The following ASB18 variants were observed in gnomAD, a reference collection of about 807,000 sequenced individuals.
ASB18 encodes ankyrin repeat and SOCS box containing 18, also known as ankyrin repeat and SOCS box protein 18.
In ASB18, 33 loss-of-function variants were observed where a neutral mutation model predicts 33.4. The ratio of observed to expected loss-of-function variants is 0.99; its 90% CI spans 0.75 to 1.32. ASB18 has a LOEUF of 1.32. Ranked by LOEUF, ASB18 falls within the 40% of genes most tolerant of loss-of-function variation. ASB18 has a pLI of 0.00. For synonymous variants in ASB18, 295 were observed against 307.6 expected (o/e 0.96, Z 0.43); for missense variants, 694 against 655.5 (o/e 1.06, Z -0.64).
Position 236,208,932 on chromosome 2 carries a change from G to GA in ASB18, c.1101+5429dup, listed in dbSNP as rs1041973372. On this transcript the variant is annotated intron_variant, in intron 4 of 5. Transcript: ENST00000409749. The surrounding 1 kb of genome is among the most constrained non-coding windows in gnomAD (Gnocchi z 7.7). ...GAGGCGGCAGAAAGAAAATTAAGGG[G>GA]AAAAATCACACAGGCACATTGCTTT... Among the ~76,000 whole-genome samples, 9 of 151,888 alleles carry GA rather than the reference G, an allele frequency of 5.9e-5. No homozygotes were observed. In the South Asian group the frequency reaches 6.3e-4, roughly 11 times the overall value.
rs915281241 is a variant in ASB18, at chr2:236,260,659, C to T, written c.205+3482G>A. 5.9e-5 allele frequency among the ~76,000 whole-genome samples: 9 copies of T among 152,182 alleles called. No individual in the cohort carries two copies. Among genetic ancestry groups the T allele is most frequent in the East Asian group, 5.8e-4 (3 of 5,198 alleles). On this transcript the variant is annotated intron_variant, in intron 1 of 5. Coordinates refer to ENST00000409749, the MANE Select transcript of ASB18 (RefSeq NM_212556.4). This position sits in a 1 kb window ranked among gnomAD's most constrained non-coding sequence, Gnocchi z 5.1. ...AGCATGGAGAAGGAGGGAACCTAAACGATGAACCAAGCCAGCAGTGGTTCC... is the reference window on the plus strand; with the variant it reads ...AGCATGGAGAAGGAGGGAACCTAAATGATGAACCAAGCCAGCAGTGGTTCC...
rs1311791031 is a variant in ASB18, at chr2:236,208,397, G to A, written c.1101+5965C>T. Among the ~76,000 whole-genome samples, 4 of 152,184 alleles carry A rather than the reference G, an allele frequency of 2.6e-5. No homozygotes were observed. Among genetic ancestry groups the A allele is most frequent in the African/African-American group, 9.7e-5 (4 of 41,440 alleles). ...GGGAAAAAAATCACGCCATTAAGAA[G>A]GACTCACGCTGGACCCCTCGGGATG... On this transcript the variant is annotated intron_variant, in intron 4 of 5. Transcript: ENST00000409749. The surrounding 1 kb of genome is among the most constrained non-coding windows in gnomAD (Gnocchi z 7.7).
Position 236,219,653 on chromosome 2 carries a change from G to A in ASB18, c.597-4787C>T, listed in dbSNP as rs2060502085. ...AATGGCCCAGTGGGGAAAGCTTACT[G>A]TTTGTCATTTCATTGCCTTCTCTGT... On this transcript the variant is annotated intron_variant, in intron 3 of 5. Coordinates refer to ENST00000409749, the MANE Select transcript of ASB18 (RefSeq NM_212556.4). This position sits in a 1 kb window ranked among gnomAD's most constrained non-coding sequence, Gnocchi z 6.4. Among the ~76,000 whole-genome samples the A allele has an allele frequency of 6.6e-6, 1 of 152,144 alleles. No individual in the cohort carries two copies. The highest frequency in any genetic ancestry group is 1.5e-5 in the Non-Finnish European group (1 of 68,036).
rs1369716574 is a variant in ASB18, at chr2:236,237,322, G to C, written c.596+367C>G. ...CTCCCGCGCGCGCTCGCAATCAAGC[G>C]CTAATTAAACCCGCGGGGGCCGGGG... On this transcript the variant is annotated intron_variant, in intron 3 of 5. Coordinates refer to ENST00000409749, the MANE Select transcript of ASB18 (RefSeq NM_212556.4). This position sits in a 1 kb window ranked among gnomAD's most constrained non-coding sequence, Gnocchi z 6.2. 6.7e-6 allele frequency among the ~76,000 whole-genome samples: 1 copy of C among 149,634 alleles called. No homozygotes were observed. Among genetic ancestry groups the C allele is most frequent in the African/African-American group, 2.4e-5 (1 of 41,210 alleles).
At chr2:236,246,655 T>C (rs757366392) in intron 1 of ASB18, among the ~76,000 whole-genome samples, 4 of 152,138 alleles carry the variant, frequency 2.6e-5, no homozygotes, top group Admixed American at 6.5e-5. Flanking sequence ...AAATGACCAA[T>C]AGTAACACAG....
chr2:236,214,483 G>A lies in ASB18; in HGVS notation c.980C>T (p.Ala327Val), dbSNP rs996204691. 2.0e-6 allele frequency: 3 copies of A among 1,499,002 alleles called. No homozygotes were observed. In the Admixed American group the frequency reaches 6.3e-5, roughly 31 times the overall value. 92.9% of individuals were successfully genotyped at this position (1,499,002 alleles called of 1,614,324 possible). ...CTGGAGCACGCGGCCCAGCGGCGAG[G>A]CCCCGCCATAGTCGAGCGCGCCCGC... is the stretch of plus-strand genomic sequence containing the variant. Reference protein sequence around the residue: ...ADAGALDYGGASPLGRVLQTA... With the variant: ...ADAGALDYGGVSPLGRVLQTA... Residue 327 changes from alanine (A) to valine (V), a missense_variant, in exon 4 of 6, where the codon GCC (alanine) becomes GTC (valine). By Grantham distance (64) the Ala-to-Val change is moderately conservative. Coordinates refer to ENST00000409749, the MANE Select transcript of ASB18 (RefSeq NM_212556.4). This position sits in a 1 kb window ranked among gnomAD's most constrained non-coding sequence, Gnocchi z 6.5.
rs1029330231 is a variant in ASB18, at chr2:236,219,403, C to T, written c.597-4537G>A. 1.3e-5 allele frequency among the ~76,000 whole-genome samples: 2 copies of T among 152,182 alleles called. No homozygotes were observed. The highest frequency in any genetic ancestry group is 2.9e-5 in the Non-Finnish European group (2 of 68,026). On this transcript the variant is annotated intron_variant, in intron 3 of 5. Coordinates refer to ENST00000409749, the MANE Select transcript of ASB18 (RefSeq NM_212556.4). This position sits in a 1 kb window ranked among gnomAD's most constrained non-coding sequence, Gnocchi z 6.4. ...ATATCCCTTTGGCTTTCCAGGTTCC[C>T]AGAATACGCTTGAAATTTCCATCAA... is the stretch of plus-strand genomic sequence containing the variant.
rs1042393702 is a variant in ASB18, at chr2:236,239,347, A to C, written c.329-1391T>G. 6.7e-6 allele frequency among the ~76,000 whole-genome samples: 1 copy of C among 149,608 alleles called. No individual in the cohort carries two copies. Among genetic ancestry groups the C allele is most frequent in the Non-Finnish European group, 1.5e-5 (1 of 67,394 alleles). On this transcript the variant is annotated intron_variant, in intron 2 of 5. Coordinates refer to ENST00000409749, the MANE Select transcript of ASB18 (RefSeq NM_212556.4). The surrounding 1 kb of genome is among the most constrained non-coding windows in gnomAD (Gnocchi z 5.6). ...GATTCCTGAGTCTTCTCAGGGACTG[A>C]TGGGGAGAAGCCATAGGTGGGGATC...
Position 236,204,829 on chromosome 2 carries a change from C to T in ASB18, c.1102-8444G>A, listed in dbSNP as rs2060425518. Among the ~76,000 whole-genome samples, 1 of 152,002 alleles carries T rather than the reference C, an allele frequency of 6.6e-6. No individual in the cohort carries two copies. Among genetic ancestry groups the T allele is most frequent in the Non-Finnish European group, 1.5e-5 (1 of 68,002 alleles). On this transcript the variant is annotated intron_variant, in intron 4 of 5. Coordinates refer to ENST00000409749, the MANE Select transcript of ASB18 (RefSeq NM_212556.4). The surrounding 1 kb of genome is among the most constrained non-coding windows in gnomAD (Gnocchi z 5.1). Reference sequence around the variant, plus strand: ...ACTCCCTTGTTCACCAGGTCCCAACCTGCTGTGCCACCCATAACCTGCCCC... The same window carrying T: ...ACTCCCTTGTTCACCAGGTCCCAACTTGCTGTGCCACCCATAACCTGCCCC...
chr2:236,209,170 T>G lies in ASB18; in HGVS notation c.1101+5192A>C, dbSNP rs1448859965. Among the ~76,000 whole-genome samples the G allele has an allele frequency of 6.6e-6, 1 of 152,042 alleles. No individual in the cohort carries two copies. Among genetic ancestry groups the G allele is most frequent in the African/African-American group, 2.4e-5 (1 of 41,398 alleles). On this transcript the variant is annotated intron_variant, in intron 4 of 5. Transcript: ENST00000409749. The surrounding 1 kb of genome is among the most constrained non-coding windows in gnomAD (Gnocchi z 4.4). ...AAGTCCCTTTACCTGATTTAGTAATTAGGTAAAAAGAAAACATGAAAACTT... is the reference window on the plus strand; with the variant it reads ...AAGTCCCTTTACCTGATTTAGTAATGAGGTAAAAAGAAAACATGAAAACTT...
chr2:236,242,027 T>C (rs2060623690), intron 1 of ASB18, among the ~76,000 whole-genome samples: 1 of 152,206 alleles, frequency 6.6e-6, no homozygotes, highest in Non-Finnish European at 1.5e-5. Context: ...ATAAAAGTCT[T>C]ATGCTCAGAG....
rs2106266745 is a variant in ASB18 at position 236,209,710 on chromosome 2, T to C, written c.1101+4652A>G. Among the ~76,000 whole-genome samples the C allele has an allele frequency of 6.6e-6, 1 of 152,382 alleles. No homozygotes were observed. Among genetic ancestry groups the C allele is most frequent in the South Asian group, 2.1e-4 (1 of 4,832 alleles). ...GAGCTTAGAAATTCCAAAATACTGA[T>C]TGGATGATGTCATCTCCTTCCTTGA... is the stretch of plus-strand genomic sequence containing the variant. On this transcript the variant is annotated intron_variant, in intron 4 of 5. Transcript: ENST00000409749. This position sits in a 1 kb window ranked among gnomAD's most constrained non-coding sequence, Gnocchi z 4.4.
rs555651447 is a variant in ASB18 at position 236,251,272 on chromosome 2, G to T, written c.206-9870C>A. Among the ~76,000 whole-genome samples the T allele has an allele frequency of 6.6e-6, 1 of 152,174 alleles. No homozygotes were observed. The highest frequency in any genetic ancestry group is 2.4e-5 in the African/African-American group (1 of 41,440). On this transcript the variant is annotated intron_variant, in intron 1 of 5. Transcript: ENST00000409749. This position sits in a 1 kb window ranked among gnomAD's most constrained non-coding sequence, Gnocchi z 5.3. ...AAAACACAGCGGCCCAATCCTCAGC[G>T]TGCACAACCACGAGTAAATAGCCCT...
chr2:236,201,654 T>C (rs542399544), intron 4 of ASB18, among the ~76,000 whole-genome samples: 14 of 152,174 alleles, frequency 9.2e-5, no homozygotes, highest in African/African-American at 2.7e-4. Flanking sequence ...AAAATATGTT[T>C]GTCACATTTA....
At position 236,256,793 on chromosome 2, in the gene ASB18, T is replaced by A. The variant is rs1348911916; in HGVS notation, c.205+7348A>T. Among the ~76,000 whole-genome samples the A allele has an allele frequency of 6.6e-6, 1 of 152,196 alleles. No individual in the cohort carries two copies. The highest frequency in any genetic ancestry group is 1.5e-5 in the Non-Finnish European group (1 of 68,044). On this transcript the variant is annotated intron_variant, in intron 1 of 5. Transcript: ENST00000409749. The surrounding 1 kb of genome is among the most constrained non-coding windows in gnomAD (Gnocchi z 4.7). Reference sequence around the variant, plus strand: ...AGCTGAGACGCGACCCTGTAGGATTTTTTTTCTTGTCCATATGCCTTTGAA... The same window carrying A: ...AGCTGAGACGCGACCCTGTAGGATTATTTTTCTTGTCCATATGCCTTTGAA...
chr2:236,246,390 C>T (rs1215084426), intron 1 of ASB18, among the ~76,000 whole-genome samples: 1 of 135,512 alleles, frequency 7.4e-6, no homozygotes, highest in Non-Finnish European at 1.6e-5. Context: ...ACCTTGGCTA[C>T]TGTATGCCCC....
intron 3 of ASB18, among the ~76,000 whole-genome samples, chr2:236,232,233 A>G (rs921316558): frequency 8.0e-5 from 12 of 149,554 alleles, no homozygotes; most frequent in African/African-American, 2.7e-4. Flanking sequence ...TGGAAACTCA[A>G]TAACATACTT....
In ASB18 at chr2:236,222,719, C is replaced by T. The variant is rs536594716; in HGVS notation, c.597-7853G>A. On this transcript the variant is annotated intron_variant, in intron 3 of 5. Transcript: ENST00000409749. The surrounding 1 kb of genome is among the most constrained non-coding windows in gnomAD (Gnocchi z 5.5). Reference sequence around the variant, plus strand: ...GATAGCGAGTTCATGGGTGATCTGGCTGTTTAAAAGCATGTGGCAGCCAGG... The same window carrying T: ...GATAGCGAGTTCATGGGTGATCTGGTTGTTTAAAAGCATGTGGCAGCCAGG... 8.3e-4 allele frequency among the ~76,000 whole-genome samples: 127 copies of T among 152,212 alleles called. No homozygotes were observed. Among genetic ancestry groups the T allele is most frequent in the African/African-American group, 3.0e-3 (125 of 41,522 alleles).
Position 236,241,211 on chromosome 2 carries a change from C to A in ASB18, c.328+69G>T. The A allele has an allele frequency of 6.1e-6, 9 of 1,487,592 alleles. No homozygotes were observed. The highest frequency in any genetic ancestry group is 8.4e-6 in the Non-Finnish European group (9 of 1,073,656). The allele number at this position is 1,487,592 out of a possible 1,614,324, so 92.1% of individuals were successfully genotyped here. A position where few individuals can be genotyped will look rare whatever the true frequency, so the allele number is the denominator to read the frequency against. The stretch of plus-strand genomic sequence containing the variant: ...ACTGTGCCCAGTCTACACACGGGAG[C>A]CTTACACTCCCAGAGAGTATTAGTA... On this transcript the variant is annotated intron_variant, in intron 2 of 5. Transcript: ENST00000409749. The surrounding 1 kb of genome is among the most constrained non-coding windows in gnomAD (Gnocchi z 4.2).
Sources: gnomAD v4.1 joint callset for allele counts (sites outside exome capture counted in the v4.1 genomes callset) on GRCh38, gnomAD v4.1.1 for gene constraint, Gnocchi (gnomAD v3.1) non-coding constraint, MANE v1.5 for transcripts, NCBI Gene and HGNC (gene_info 2026-07-23, HGNC 2026-07-21) for gene names.